TSPEAR: variants seen among roughly 807,000 people sequenced by gnomAD.
TSPEAR encodes thrombospondin type laminin G domain and EAR repeats.
TSPEAR carries 69 observed loss-of-function variants against 71.6 expected under a neutral mutation model. The ratio of observed to expected loss-of-function variants is 0.96; its 90% CI spans 0.79 to 1.18. The LOEUF (loss-of-function observed/expected upper bound fraction) is 1.18. TSPEAR is among the 50% of genes most tolerant of loss of function. TSPEAR has a pLI of 0.00. For synonymous variants in TSPEAR, 402 were observed against 387.2 expected (o/e 1.04, Z -0.45); for missense variants, 971 against 894.9 (o/e 1.09, Z -1.09).
chr21:44,555,433 A>G (rs1301902519), intron 2 of TSPEAR, among the ~76,000 whole-genome samples: 1 of 152,158 alleles, frequency 6.6e-6, no homozygotes, highest in Non-Finnish European at 1.5e-5. Context: ...CAGGGCCCCC[A>G]CATCCCACAG....
chr21:44,638,633 C>A (rs587604361), intron 1 of TSPEAR, among the ~76,000 whole-genome samples: 10 of 151,452 alleles, frequency 6.6e-5, no homozygotes, highest in African/African-American at 2.4e-4. Flanking sequence ...GGAAGCAATG[C>A]CTTCTGGTGC....
chr21:44,629,178 G>A (rs1351926980), intron 1 of TSPEAR, among the ~76,000 whole-genome samples: 2 of 152,198 alleles, frequency 1.3e-5, no homozygotes, highest in Admixed American at 1.3e-4. Flanking sequence ...CTCGCCTTAG[G>A]AGAGCATAGT....
At chr21:44,591,653 C>T in intron 1 of TSPEAR, 3 of 1,612,460 alleles carry the variant, frequency 1.9e-6, no homozygotes, top group Non-Finnish European at 2.5e-6. Flanking sequence ...GATGTGGAAG[C>T]CCCAGAGCAG....
intron 1 of TSPEAR, among the ~76,000 whole-genome samples, chr21:44,629,008 G>T (rs1477085661): frequency 6.6e-6 from 1 of 152,162 alleles, no homozygotes; most frequent in Admixed American, 6.5e-5. Context: ...GACAGTGTGG[G>T]AATGTGTCCA....
chr21:44,564,886 T>C (rs1028177825), intron 2 of TSPEAR, among the ~76,000 whole-genome samples: 1 of 152,060 alleles, frequency 6.6e-6, no homozygotes, highest in African/African-American at 2.4e-5. Context: ...TGTTAGGCCA[T>C]AAAATAAACC....
At chr21:44,554,200 GAA>G (rs1555919474) in intron 2 of TSPEAR, among the ~76,000 whole-genome samples, 1 of 152,192 alleles carries the variant, frequency 6.6e-6, no homozygotes. Flanking sequence ...GCCCTTTAAA[GAA>G]GAAACCGTGG....
At chr21:44,708,422 G>A (rs564000694) in intron 1 of TSPEAR, among the ~76,000 whole-genome samples, 1 of 152,228 alleles carries the variant, frequency 6.6e-6, no homozygotes, top group South Asian at 2.1e-4. Flanking sequence ...TCCCTTAGGC[G>A]CTGAAGTCCA....
At position 44,658,296 on chromosome 21, in the gene TSPEAR, A is replaced by G. The variant is rs782559155; in HGVS notation, c.82+53137T>C. ...CCAGCTGCTCCTGGTACACGGGGGT[A>G]CACACCTGTATCCCTCCGTGAATAA... is the stretch of plus-strand genomic sequence containing the variant. On this transcript the variant is annotated intron_variant, in intron 1 of 11. Coordinates refer to ENST00000323084, the MANE Select transcript of TSPEAR (RefSeq NM_144991.3). The G allele has an allele frequency of 3.5e-5, 57 of 1,605,764 alleles. No individual in the cohort carries two copies. In the East Asian group the frequency reaches 1.2e-3, roughly 35 times the overall value.
intron 2 of TSPEAR, 131 bp from the exon 3 acceptor site, chr21:44,534,054 T>TG: frequency 1.5e-6 from 1 of 655,958 alleles, no homozygotes; most frequent in South Asian, 1.8e-5. Flanking sequence ...AGGGGCGAGG[T>TG]GAGGGGGCGC....
At chr21:44,579,570 A>C in intron 1 of TSPEAR, 1 of 690,396 alleles carries the variant, frequency 1.4e-6, no homozygotes, top group Non-Finnish European at 2.4e-6. Flanking sequence ...CCCAACAGGC[A>C]GGTGGGCCCC....
At chr21:44,602,755 A>G (rs1555929179) in intron 1 of TSPEAR, among the ~76,000 whole-genome samples, 1 of 152,276 alleles carries the variant, frequency 6.6e-6, no homozygotes. Context: ...AGCTGCTTGC[A>G]GAGGAGTGAG....
At chr21:44,611,249 T>C (rs1981649545) in intron 1 of TSPEAR, among the ~76,000 whole-genome samples, 1 of 152,140 alleles carries the variant, frequency 6.6e-6, no homozygotes, top group Non-Finnish European at 1.5e-5. Context: ...TTGAATTTCA[T>C]CTCCCAGCAT....
chr21:44,669,602 C>T (rs1555945507), intron 1 of TSPEAR, among the ~76,000 whole-genome samples: 1 of 152,128 alleles, frequency 6.6e-6, no homozygotes, highest in Non-Finnish European at 1.5e-5. Context: ...AGCCTGGAGC[C>T]TGGACTGAGG....
rs1238836863 is a variant in TSPEAR, at chr21:44,710,277, G to A, written c.82+1156C>T. On this transcript the variant is annotated intron_variant, in intron 1 of 11. Coordinates refer to ENST00000323084, the MANE Select transcript of TSPEAR (RefSeq NM_144991.3). This position sits in a 1 kb window ranked among gnomAD's most constrained non-coding sequence, Gnocchi z 4.6. ...TCCCTGCGGGCAGGTGCAGCTGTGC[G>A]GGAGCTTCAGTCCTGTCCCCAACAC... Among the ~76,000 whole-genome samples the A allele has an allele frequency of 1.3e-5, 2 of 152,180 alleles. No individual in the cohort carries two copies. The highest frequency in any genetic ancestry group is 1.5e-5 in the Non-Finnish European group (1 of 68,024).
chr21:44,651,983 T>C (rs886733408), intron 1 of TSPEAR, among the ~76,000 whole-genome samples: 6 of 100,296 alleles, frequency 6.0e-5, no homozygotes, highest in Middle Eastern at 4.3e-3. Flanking sequence ...AACTTTCTTT[T>C]TTTTTTTTTT....
rs111693865 is a variant in TSPEAR, at chr21:44,579,258, C to T, written c.83-11253G>A. Among the ~76,000 whole-genome samples, 814 of 152,238 alleles carry T rather than the reference C, an allele frequency of 5.3e-3. 8 individuals are homozygous for T. The highest frequency in any genetic ancestry group is 0.018 in the African/African-American group (751 of 41,542). On this transcript the variant is annotated intron_variant, in intron 1 of 11. Transcript: ENST00000323084. ...CAGCCAATGACCAGGCTCAGGAAGA[C>T]CCAGGCATGGAGGCTGAGCCGGGAC...
chr21:44,590,308 G>A (rs1056455947), intron 1 of TSPEAR, among the ~76,000 whole-genome samples: 5 of 152,180 alleles, frequency 3.3e-5, no homozygotes, highest in East Asian at 1.9e-4. Flanking sequence ...GTGCCAGAGC[G>A]GAGGGTGGCA....
At chr21:44,675,747 G>C (rs1986283733) in intron 1 of TSPEAR, 1 of 479,190 alleles carries the variant, frequency 2.1e-6, no homozygotes, top group Admixed American at 3.5e-5. Flanking sequence ...TTAACATTTA[G>C]AACAGTACTT....
chr21:44,657,082 C>G (rs1555942674), intron 1 of TSPEAR, among the ~76,000 whole-genome samples: 2 of 151,826 alleles, frequency 1.3e-5, no homozygotes, highest in African/African-American at 4.8e-5. Context: ...GAAGCAGCAT[C>G]CTCACTCTCT....
Sources: allele counts gnomAD v4.1 joint callset (sites outside exome capture counted in the v4.1 genomes callset), GRCh38; gene constraint gnomAD v4.1.1; non-coding constraint Gnocchi (gnomAD v3.1); transcripts MANE v1.5; gene names NCBI Gene and HGNC (gene_info 2026-07-23, HGNC 2026-07-21).